RASEF: variants seen among roughly 807,000 people sequenced by gnomAD.
RASEF encodes the protein RAS and EF-hand domain containing.
RASEF carries 68 observed loss-of-function variants against 90.1 expected under a neutral mutation model. That is an observed-to-expected ratio of 0.75 (90% CI 0.62 to 0.92). The LOEUF (loss-of-function observed/expected upper bound fraction) is 0.92, where lower values mean the gene tolerates loss of function less well. RASEF is among the 40% of genes least tolerant of loss of function. RASEF has a pLI of 0.00. For missense variants in RASEF, 949 were observed against 937.2 expected (o/e 1.01, Z -0.16); for synonymous variants, 331 against 345.2 (o/e 0.96, Z 0.46).
the RASEF span, among the ~76,000 whole-genome samples, chr9:83,118,891 G>A: frequency 0.03 from 4,495 of 152,158 alleles, 228 homozygotes; most frequent in African/African-American, 0.1. Flanking sequence ...GACACATTGG[G>A]TCCCATTGGA....
the RASEF span, among the ~76,000 whole-genome samples, chr9:83,213,743 A>G: frequency 6.6e-6 from 1 of 152,204 alleles, no homozygotes; most frequent in Admixed American, 6.5e-5. Flanking sequence ...CTCTCCTCTC[A>G]TGCCGAGTAT....
intron 16 of RASEF, among the ~76,000 whole-genome samples, chr9:82,983,131 AC>A (rs1410107902): frequency 2.7e-5 from 4 of 150,814 alleles, no homozygotes; most frequent in African/African-American, 9.8e-5. Flanking sequence ...ACACACACAC[AC>A]ACACACACAC....
At chr9:83,035,682 A>G (rs1200663022) in intron 1 of RASEF, among the ~76,000 whole-genome samples, 1 of 152,200 alleles carries the variant, frequency 6.6e-6, no homozygotes, top group Non-Finnish European at 1.5e-5. Context: ...ATAATCTAGT[A>G]GTGTTAGCGC....
At chr9:83,096,264 A>T in the RASEF span, among the ~76,000 whole-genome samples, 2 of 152,210 alleles carry the variant, frequency 1.3e-5, no homozygotes, top group African/African-American at 4.8e-5. Context: ...GTCAAACACC[A>T]TGAGCTCTAA....
the RASEF span, among the ~76,000 whole-genome samples, chr9:83,108,871 T>G: frequency 6.6e-6 from 1 of 151,128 alleles, no homozygotes; most frequent in Non-Finnish European, 1.5e-5. Flanking sequence ...ATCCATTTGT[T>G]CTCCCTCAAG....
chr9:83,103,297 A>G, the RASEF span, among the ~76,000 whole-genome samples: 1 of 152,200 alleles, frequency 6.6e-6, no homozygotes, highest in East Asian at 1.9e-4. Flanking sequence ...TAGTGATGAT[A>G]ATATCTACCA....
chr9:83,065,458 A>C (rs1830274892), upstream of RASEF, among the ~76,000 whole-genome samples: 1 of 152,190 alleles, frequency 6.6e-6, no homozygotes, highest in African/African-American at 2.4e-5. Context: ...GCAATGTTCC[A>C]AGCGAGTAAG....
chr9:83,114,593 C>T, the RASEF span, among the ~76,000 whole-genome samples: 1 of 152,154 alleles, frequency 6.6e-6, no homozygotes. Flanking sequence ...CAACAAGGAA[C>T]ATCCCTGAGA....
chr9:83,093,567 A>G, the RASEF span, among the ~76,000 whole-genome samples: 1 of 152,234 alleles, frequency 6.6e-6, no homozygotes, highest in Non-Finnish European at 1.5e-5. Flanking sequence ...GCCCAGGGCC[A>G]GCAGGGCTGG....
intron 1 of RASEF, among the ~76,000 whole-genome samples, chr9:83,027,405 C>A (rs897445061): frequency 1.3e-4 from 20 of 152,158 alleles, no homozygotes; most frequent in African/African-American, 4.6e-4. Flanking sequence ...GTTCAGCCCC[C>A]ATCCTGAAGG....
intron 1 of RASEF, chr9:83,055,635 G>A: frequency 1.4e-6 from 1 of 718,094 alleles, no homozygotes; most frequent in Middle Eastern, 2.3e-4. Flanking sequence ...ACAGTGTTAT[G>A]AGATGCCTCA....
chr9:82,983,749 A>G (rs1449190160), intron 16 of RASEF, among the ~76,000 whole-genome samples: 2 of 152,232 alleles, frequency 1.3e-5, no homozygotes, highest in African/African-American at 4.8e-5. Context: ...GGCTGCAGCA[A>G]TCTCTACCCC....
chr9:83,070,751 C>A, the RASEF span, among the ~76,000 whole-genome samples: 1 of 152,176 alleles, frequency 6.6e-6, no homozygotes, highest in African/African-American at 2.4e-5. Flanking sequence ...ATTGAATCTG[C>A]CCATCAATGA....
the RASEF span, among the ~76,000 whole-genome samples, chr9:83,214,773 C>T: frequency 2.0e-5 from 3 of 152,028 alleles, no homozygotes; most frequent in Non-Finnish European, 4.4e-5. Context: ...CCTTCGCCTT[C>T]CACCATGATT....
chr9:83,213,093 T>TAAAAA, the RASEF span, among the ~76,000 whole-genome samples: 1 of 145,772 alleles, frequency 6.9e-6, no homozygotes, highest in African/African-American at 2.5e-5. Context: ...GCACACGTTT[T>TAAAAA]AAAAAAAAAA....
the RASEF span, among the ~76,000 whole-genome samples, chr9:83,075,868 A>C: frequency 6.6e-6 from 1 of 152,042 alleles, no homozygotes; most frequent in African/African-American, 2.4e-5. Flanking sequence ...TCAGAAAGAG[A>C]TCTAAAAAAT....
rs1175074571 is a variant in RASEF at position 82,984,602 on chromosome 9, CAG to C, written c.2118-1822_2118-1821del. On this transcript the variant is annotated intron_variant, in intron 16 of 16. Transcript: ENST00000376447. ...TATCCTCACCTCACAGATGAGGCAA[CAG>C]AGACTCAGGAGAAGAAAGAGGAGAC... Among the ~76,000 whole-genome samples the C allele has an allele frequency of 3.3e-5, 5 of 152,108 alleles. No homozygotes were observed. The South Asian group carries it at 1.0e-3, about 32-fold the overall frequency.
chr9:83,164,369 ATATATG>A, the RASEF span, among the ~76,000 whole-genome samples: 1 of 145,966 alleles, frequency 6.9e-6, no homozygotes, highest in African/African-American at 2.5e-5. Flanking sequence ...ATATATATAT[ATATATG>A]TGTGTGTGTG....
chr9:83,065,264 T>C (rs907818220), upstream of RASEF, among the ~76,000 whole-genome samples: 2 of 152,148 alleles, frequency 1.3e-5, no homozygotes, highest in Admixed American at 1.3e-4. Context: ...TTATCATCAA[T>C]TTGGGCAGGG....
Sources: allele counts gnomAD v4.1 joint callset (sites outside exome capture counted in the v4.1 genomes callset), GRCh38; gene constraint gnomAD v4.1.1; transcripts MANE v1.5; gene names NCBI Gene and HGNC (gene_info 2026-07-23, HGNC 2026-07-21).